DTD1: variants seen among roughly 807,000 people sequenced by gnomAD.
DTD1 encodes D-tyrosyl-tRNA deacylase 1 homolog.
A neutral mutation model predicts 25.6 loss-of-function variants in DTD1; 13 were observed. The ratio of observed to expected loss-of-function variants is 0.51; its 90% CI spans 0.33 to 0.81. The LOEUF is 0.81. DTD1 is among the 30% of genes least tolerant of loss of function. DTD1 has a pLI of 0.02. For synonymous variants in DTD1, 110 were observed against 103.6 expected, an observed-to-expected ratio of 1.06 and a Z score of -0.37; for missense variants, 193 against 266.4, an observed-to-expected ratio of 0.72 and a Z score of 1.92.
rs146468674 is a variant in DTD1, at chr20:18,662,459, A to G, written c.477+34226A>G. 5.9e-3 allele frequency among the ~76,000 whole-genome samples: 899 copies of G among 152,286 alleles called. 1 individual carries two copies. Among genetic ancestry groups the G allele is most frequent in the Middle Eastern group, 0.034 (10 of 294 alleles). On this transcript the variant is annotated intron_variant, in intron 4 of 5. Coordinates refer to ENST00000377452, the MANE Select transcript of DTD1 (RefSeq NM_080820.6). The stretch of plus-strand genomic sequence containing the variant: ...AGAGTATTTTTGGAAAGCAGTCAGC[A>G]AATGCTGAGTAAAATCAGAACCAGA...
intron 1 of DTD1, 57 bp downstream of exon 1, chr20:18,588,172 G>C (rs948572411): frequency 3.3e-6 from 4 of 1,221,014 alleles, no homozygotes; most frequent in Non-Finnish European, 4.1e-6. Flanking sequence ...GCGACCGGCT[G>C]TCTTGCGTGG....
chr20:18,756,274 A>C (rs1202753829), intron 5 of DTD1, among the ~76,000 whole-genome samples: 1 of 152,038 alleles, frequency 6.6e-6, no homozygotes, highest in East Asian at 1.9e-4. Context: ...CTTTAGTTTA[A>C]TTAGATCCCA....
At chr20:18,733,981 A>AT (rs1338500719) in intron 4 of DTD1, among the ~76,000 whole-genome samples, 1 of 152,236 alleles carries the variant, frequency 6.6e-6, no homozygotes, top group Admixed American at 6.5e-5. Context: ...ACACAAGGAC[A>AT]TTTTTTTAAA....
At chr20:18,753,670 G>A (rs1430344243) in intron 5 of DTD1, among the ~76,000 whole-genome samples, 2 of 147,858 alleles carry the variant, frequency 1.4e-5, no homozygotes, top group African/African-American at 5.0e-5. Flanking sequence ...ATAATAGATG[G>A]GAGAATAAGT....
intron 3 of DTD1, among the ~76,000 whole-genome samples, chr20:18,621,641 T>G (rs147260118): frequency 6.6e-6 from 1 of 152,234 alleles, no homozygotes; most frequent in Non-Finnish European, 1.5e-5. Context: ...AAAAATCTTA[T>G]GTATTTTTAA....
intron 4 of DTD1, among the ~76,000 whole-genome samples, chr20:18,662,666 TA>T (rs1600350953): frequency 6.6e-6 from 1 of 152,222 alleles, no homozygotes; most frequent in African/African-American, 2.4e-5. Flanking sequence ...GTGCGCCAGT[TA>T]AAAAGAATGC....
intron 4 of DTD1, among the ~76,000 whole-genome samples, chr20:18,670,414 C>T (rs916863823): frequency 6.6e-6 from 1 of 152,166 alleles, no homozygotes; most frequent in African/African-American, 2.4e-5. Flanking sequence ...CAAGATCACG[C>T]CACTGCACTC....
At chr20:18,747,131 G>A (rs2061303076) in intron 5 of DTD1, among the ~76,000 whole-genome samples, 1 of 152,200 alleles carries the variant, frequency 6.6e-6, no homozygotes, top group Non-Finnish European at 1.5e-5. Context: ...ATCCAAAGAG[G>A]TGAAATGTGC....
chr20:18,624,228 G>A (rs6035091), intron 3 of DTD1, among the ~76,000 whole-genome samples: 128,177 of 152,096 alleles, frequency 0.84, 54,844 homozygotes, highest in Non-Finnish European at 0.93. Context: ...TCCAGCCACA[G>A]TGCCCAGCCC....
At chr20:18,671,763 G>T (rs549287319) in intron 4 of DTD1, among the ~76,000 whole-genome samples, 2 of 152,236 alleles carry the variant, frequency 1.3e-5, no homozygotes, top group African/African-American at 4.8e-5. Context: ...AGCCCCCTTG[G>T]TCCTCACCAG....
At chr20:18,707,766 C>G (rs1172441894) in intron 4 of DTD1, among the ~76,000 whole-genome samples, 1 of 152,158 alleles carries the variant, frequency 6.6e-6, no homozygotes, top group East Asian at 1.9e-4. Context: ...CGCGCACACA[C>G]ACACACTCAC....
chr20:18,758,793 G>C (rs2061349423), intron 5 of DTD1, among the ~76,000 whole-genome samples: 1 of 152,184 alleles, frequency 6.6e-6, no homozygotes, highest in Non-Finnish European at 1.5e-5. Context: ...GGTCCACTTG[G>C]TGCAGAGCTG....
chr20:18,724,068 C>T (rs1159345248), intron 4 of DTD1, among the ~76,000 whole-genome samples: 2 of 152,218 alleles, frequency 1.3e-5, no homozygotes, highest in Non-Finnish European at 2.9e-5. Flanking sequence ...TCTCCTGCCC[C>T]CTTTTAAGAC....
At chr20:18,741,947 C>G (rs554529538) in intron 4 of DTD1, among the ~76,000 whole-genome samples, 1 of 149,132 alleles carries the variant, frequency 6.7e-6, no homozygotes, top group South Asian at 2.1e-4. Context: ...CTATGTTGCC[C>G]AGGCTGGTCT....
chr20:18,680,264 A>G (rs1460372495), intron 4 of DTD1, among the ~76,000 whole-genome samples: 1 of 151,754 alleles, frequency 6.6e-6, no homozygotes, highest in Non-Finnish European at 1.5e-5. Flanking sequence ...GGGTCACTAC[A>G]TCCTCGACCT....
At chr20:18,630,551 A>T (rs2060782304) in intron 4 of DTD1, 1 of 150,510 alleles carries the variant, frequency 6.6e-6, no homozygotes, top group Non-Finnish European at 1.5e-5. Context: ...TTTAGTAGAG[A>T]CGGGGTTTTA....
At position 18,749,882 on chromosome 20, in the gene DTD1, T is replaced by C. The variant is rs564257270; in HGVS notation, c.*19+5611T>C. ...TCATGAACAAGTTTAGATCGGCCCA[T>C]GAAAGACAGAGGCCACGTTTTGTTT... On this transcript the variant is annotated intron_variant, in intron 5 of 5. Coordinates refer to ENST00000377452, the MANE Select transcript of DTD1 (RefSeq NM_080820.6). This position sits in a 1 kb window ranked among gnomAD's most constrained non-coding sequence, Gnocchi z 4.2. Among the ~76,000 whole-genome samples, 27 of 152,348 alleles carry C rather than the reference T, an allele frequency of 1.8e-4. No homozygotes were observed. In the South Asian group the frequency reaches 5.6e-3, roughly 32 times the overall value.
chr20:18,696,258 C>A (rs1326532690), intron 4 of DTD1, among the ~76,000 whole-genome samples: 1 of 151,990 alleles, frequency 6.6e-6, no homozygotes, highest in Admixed American at 6.6e-5. Context: ...CTCTCAGACA[C>A]TAATGTCTTT....
At chr20:18,592,062 A>G (rs924633512) in intron 1 of DTD1, among the ~76,000 whole-genome samples, 2 of 152,230 alleles carry the variant, frequency 1.3e-5, no homozygotes, top group African/African-American at 2.4e-5. Flanking sequence ...TGCCATTGCA[A>G]CTGAAGAAAG....
Sources: gnomAD v4.1 joint callset for allele counts (sites outside exome capture counted in the v4.1 genomes callset) on GRCh38, gnomAD v4.1.1 for gene constraint, Gnocchi (gnomAD v3.1) non-coding constraint, MANE v1.5 for transcripts, NCBI Gene and HGNC (gene_info 2026-07-23, HGNC 2026-07-21) for gene names.